FAM219A: variants seen among roughly 807,000 people sequenced by gnomAD.
The protein encoded by FAM219A is family with sequence similarity 219 member A.
FAM219A carries 7 observed loss-of-function variants against 23.4 expected under a neutral mutation model. That is an observed-to-expected ratio of 0.30 (90% CI 0.17 to 0.56). The LOEUF (loss-of-function observed/expected upper bound fraction) is 0.56, where lower values mean the gene tolerates loss of function less well. Among genes scored for constraint, FAM219A ranks in the 20% least tolerant of loss-of-function variants. FAM219A has a pLI of 0.92. For missense variants in FAM219A, 166 were observed against 246.9 expected, an observed-to-expected ratio of 0.67 and a Z score of 2.20; for synonymous variants, 93 against 99.0, an observed-to-expected ratio of 0.94 and a Z score of 0.36.
intron 1 of FAM219A, among the ~76,000 whole-genome samples, chr9:34,410,711 G>T (rs1044561195): frequency 6.0e-5 from 9 of 150,556 alleles, no homozygotes; most frequent in African/African-American, 2.2e-4. Flanking sequence ...CTGACTAAAG[G>T]AAGACAATCT....
At chr9:34,401,144 G>A (rs1821410412) in intron 5 of FAM219A, 22 bp from the exon 6 acceptor site, 1 of 1,611,184 alleles carries the variant, frequency 6.2e-7, no homozygotes, top group Non-Finnish European at 8.5e-7. Flanking sequence ...GGGGAGGGAG[G>A]TCAGGCCCGA....
rs1051904031 is a variant in FAM219A at position 34,457,306 on chromosome 9, T to C, written c.60+898A>G. 2 of 152,262 alleles carry C rather than the reference T, an allele frequency of 1.3e-5. No individual in the cohort carries two copies. The highest frequency in any genetic ancestry group is 2.4e-5 in the African/African-American group (1 of 41,420). 9.4% of individuals were successfully genotyped at this position (152,262 alleles called of 1,614,324 possible). On this transcript the variant is annotated intron_variant, in intron 1 of 5. Coordinates refer to ENST00000651358, the MANE Select transcript of FAM219A (RefSeq NM_001184940.2). This position sits in a 1 kb window ranked among gnomAD's most constrained non-coding sequence, Gnocchi z 5.1. ...CGAGGTCAGGGAGCCCCCTGGGCGG[T>C]GGCCAGCAAGCATGGTCTCCCTTAG...
intron 1 of FAM219A, among the ~76,000 whole-genome samples, chr9:34,423,900 G>A (rs1367273896): frequency 6.6e-6 from 1 of 152,172 alleles, no homozygotes; most frequent in Non-Finnish European, 1.5e-5. Flanking sequence ...AGGTGACTGC[G>A]TGAATTGTGA....
chr9:34,414,919 CTCTT>C (rs1325695367), intron 1 of FAM219A, among the ~76,000 whole-genome samples: 1 of 152,148 alleles, frequency 6.6e-6, no homozygotes, highest in African/African-American at 2.4e-5. Flanking sequence ...AGCATCTTTT[CTCTT>C]TCTTTTCTTT....
intron 1 of FAM219A, among the ~76,000 whole-genome samples, chr9:34,450,500 A>C (rs971515216): frequency 6.6e-6 from 1 of 151,006 alleles, no homozygotes; most frequent in Admixed American, 6.6e-5. Flanking sequence ...GCTCACTGCA[A>C]CCTCCACCTC....
intron 1 of FAM219A, among the ~76,000 whole-genome samples, chr9:34,448,520 T>C (rs1474463537): frequency 1.3e-5 from 2 of 152,226 alleles, no homozygotes; most frequent in Non-Finnish European, 2.9e-5. Context: ...TTATGTAGCC[T>C]GTGGAGTAGG....
chr9:34,406,591 G>A (rs1821644104), intron 1 of FAM219A: 1 of 579,914 alleles, frequency 1.7e-6, no homozygotes. Context: ...GCTAGGTACA[G>A]TAGGTGAGAA....
chr9:34,406,380 G>C, intron 1 of FAM219A: 1 of 985,412 alleles, frequency 1.0e-6, no homozygotes, highest in Non-Finnish European at 1.2e-6. Flanking sequence ...TAAGGGGAGA[G>C]CAGGTGCTGT....
intron 1 of FAM219A, among the ~76,000 whole-genome samples, chr9:34,407,121 G>T (rs1821665313): frequency 6.6e-6 from 1 of 151,898 alleles, no homozygotes; most frequent in Admixed American, 6.6e-5. Flanking sequence ...ATCTAGCCTT[G>T]CCATCCCCTC....
At chr9:34,444,058 C>T (rs1409233365) in intron 1 of FAM219A, among the ~76,000 whole-genome samples, 1 of 152,152 alleles carries the variant, frequency 6.6e-6, no homozygotes, top group Non-Finnish European at 1.5e-5. Context: ...TATCATTATC[C>T]CCACTTGGCC....
At chr9:34,431,543 T>G (rs975448985) in intron 1 of FAM219A, among the ~76,000 whole-genome samples, 1 of 152,178 alleles carries the variant, frequency 6.6e-6, no homozygotes, top group Middle Eastern at 3.4e-3. Flanking sequence ...GCACCAAAAC[T>G]TAAAACTTAA....
At chr9:34,408,395 G>A (rs1821715813) in intron 1 of FAM219A, among the ~76,000 whole-genome samples, 1 of 152,184 alleles carries the variant, frequency 6.6e-6, no homozygotes, top group South Asian at 2.1e-4. Context: ...GATTTCCTGT[G>A]AGCCCCAGAG....
rs1301848635 is a variant in FAM219A at position 34,411,471 on chromosome 9, C to T, written c.61-5507G>A. Among the ~76,000 whole-genome samples, 4 of 151,728 alleles carry T rather than the reference C, an allele frequency of 2.6e-5. 1 individual carries two copies. Among genetic ancestry groups the T allele is most frequent in the South Asian group, 4.2e-4 (2 of 4,808 alleles). On this transcript the variant is annotated intron_variant, in intron 1 of 5. Coordinates refer to ENST00000651358, the MANE Select transcript of FAM219A (RefSeq NM_001184940.2). Reference sequence around the variant, plus strand: ...TTGGGAGGCCAAAGCGGGTGGATCACGAGGTCAGGAGATCGAGACCACAGT... The same window carrying T: ...TTGGGAGGCCAAAGCGGGTGGATCATGAGGTCAGGAGATCGAGACCACAGT...
intron 4 of FAM219A, chr9:34,402,105 G>C (rs1821463605): frequency 7.1e-7 from 1 of 1,398,642 alleles, no homozygotes; most frequent in Non-Finnish European, 9.4e-7. Context: ...ATATTCTGCT[G>C]TCCAGAGACA....
intron 1 of FAM219A, among the ~76,000 whole-genome samples, chr9:34,415,070 C>G (rs1182922218): frequency 6.6e-6 from 1 of 152,088 alleles, no homozygotes; most frequent in South Asian, 2.1e-4. Context: ...CCTGCCTTAG[C>G]CCCCTGAGTA....
intron 1 of FAM219A, among the ~76,000 whole-genome samples, chr9:34,433,315 A>G (rs10972109): frequency 0.18 from 27,629 of 151,882 alleles, 2,738 homozygotes; most frequent in East Asian, 0.34. Flanking sequence ...TTCCTCCTTT[A>G]TCTCTATGGG....
intron 1 of FAM219A, among the ~76,000 whole-genome samples, chr9:34,426,986 T>C (rs1335816570): frequency 1.3e-5 from 2 of 152,028 alleles, no homozygotes. Flanking sequence ...CTAAGAATGA[T>C]GGCAAAGGAG....
intron 1 of FAM219A, among the ~76,000 whole-genome samples, chr9:34,444,816 T>C (rs1823314230): frequency 6.6e-6 from 1 of 152,208 alleles, no homozygotes; most frequent in African/African-American, 2.4e-5. Flanking sequence ...GAGAATAATT[T>C]ATTATTCTCT....
At chr9:34,414,192 T>G (rs1391386446) in intron 1 of FAM219A, among the ~76,000 whole-genome samples, 1 of 152,246 alleles carries the variant, frequency 6.6e-6, no homozygotes, top group African/African-American at 2.4e-5. Flanking sequence ...CCATTCAGCC[T>G]AAAGCATTCC....
Sources: allele counts gnomAD v4.1 joint callset (sites outside exome capture counted in the v4.1 genomes callset), GRCh38; gene constraint gnomAD v4.1.1; non-coding constraint Gnocchi (gnomAD v3.1); transcripts MANE v1.5; gene names NCBI Gene and HGNC (gene_info 2026-07-23, HGNC 2026-07-21).